LRRTM4: variants seen among roughly 807,000 people sequenced by gnomAD.
The protein encoded by LRRTM4 is leucine rich repeat transmembrane neuronal 4, also known as leucine-rich repeat transmembrane neuronal protein 4.
Under a neutral mutation model 47.6 loss-of-function variants are expected in LRRTM4, and 25 were observed. The ratio of observed to expected loss-of-function variants is 0.53; its 90% CI spans 0.38 to 0.73. The LOEUF (loss-of-function observed/expected upper bound fraction) is 0.73, where lower values mean the gene tolerates loss of function less well. LRRTM4 is among the 30% of genes least tolerant of loss of function. The pLI is 0.00. For synonymous variants in LRRTM4, 311 were observed against 269.5 expected (o/e 1.15, Z -1.51); for missense variants, 638 against 713.4 (o/e 0.89, Z 1.20).
At chr2:77,501,264 C>T (rs555716000) in intron 3 of LRRTM4, among the ~76,000 whole-genome samples, 2 of 150,364 alleles carry the variant, frequency 1.3e-5, no homozygotes, top group South Asian at 4.2e-4. Flanking sequence ...GCCAAAAGCA[C>T]CAGCAAAATA....
chr2:77,379,592 G>A (rs925939443), intron 3 of LRRTM4, among the ~76,000 whole-genome samples: 1 of 151,828 alleles, frequency 6.6e-6, no homozygotes, highest in Non-Finnish European at 1.5e-5. Context: ...CATGACTATC[G>A]ATATCTTTGT....
At chr2:77,279,322 T>C (rs1676446819) in intron 3 of LRRTM4, among the ~76,000 whole-genome samples, 1 of 152,022 alleles carries the variant, frequency 6.6e-6, no homozygotes, top group South Asian at 2.1e-4. Context: ...TATTTGGTAA[T>C]ATTATCCTAG....
chr2:77,275,136 T>C (rs189295106), intron 3 of LRRTM4, among the ~76,000 whole-genome samples: 109 of 152,276 alleles, frequency 7.2e-4, no homozygotes, highest in African/African-American at 2.5e-3. Flanking sequence ...CTGACATATG[T>C]AAAGTACTAC....
chr2:76,793,792 C>A (rs1675106793), intron 3 of LRRTM4, among the ~76,000 whole-genome samples: 1 of 152,110 alleles, frequency 6.6e-6, no homozygotes, highest in Non-Finnish European at 1.5e-5. Flanking sequence ...AGGCAAAGTG[C>A]TGATTTCAGA....
At chr2:77,505,059 T>C (rs1678716610) in intron 3 of LRRTM4, among the ~76,000 whole-genome samples, 1 of 151,210 alleles carries the variant, frequency 6.6e-6, no homozygotes, top group South Asian at 2.1e-4. Context: ...ACTCAACTAA[T>C]AAAGAACATA....
At chr2:76,895,007 A>T in intron 3 of LRRTM4, among the ~76,000 whole-genome samples, 1 of 151,918 alleles carries the variant, frequency 6.6e-6, no homozygotes, top group South Asian at 2.1e-4. Flanking sequence ...TTTACTAAAT[A>T]TTAGAAATTA....
chr2:77,437,787 C>T (rs750413920), intron 3 of LRRTM4, among the ~76,000 whole-genome samples: 26 of 151,960 alleles, frequency 1.7e-4, no homozygotes, highest in Non-Finnish European at 3.2e-4. Flanking sequence ...TTTTTCTCTC[C>T]TGAATGATGA....
intron 3 of LRRTM4, among the ~76,000 whole-genome samples, chr2:77,384,685 T>C (rs1673195051): frequency 6.6e-6 from 1 of 152,086 alleles, no homozygotes; most frequent in Non-Finnish European, 1.5e-5. Flanking sequence ...TTGGCTTTTA[T>C]CTCTTTGTAT....
chr2:76,782,414 TC>T (rs993582654), intron 3 of LRRTM4, among the ~76,000 whole-genome samples: 1 of 152,112 alleles, frequency 6.6e-6, no homozygotes, highest in African/African-American at 2.4e-5. Context: ...TTCTTTGGGG[TC>T]CCATGATGTT....
chr2:76,895,600 C>T (rs564480994), intron 3 of LRRTM4, among the ~76,000 whole-genome samples: 2 of 152,078 alleles, frequency 1.3e-5, no homozygotes, highest in Non-Finnish European at 2.9e-5. Context: ...CTACTTTTAC[C>T]TTGAACTCTA....
intron 3 of LRRTM4, among the ~76,000 whole-genome samples, chr2:76,811,231 C>T (rs1378593880): frequency 6.6e-6 from 1 of 152,100 alleles, no homozygotes; most frequent in Non-Finnish European, 1.5e-5. Flanking sequence ...GACATAGGCA[C>T]CCAATGAATA....
chr2:77,108,633 G>C (rs1381712628), intron 3 of LRRTM4, among the ~76,000 whole-genome samples: 2 of 149,194 alleles, frequency 1.3e-5, no homozygotes, highest in Non-Finnish European at 1.5e-5. Context: ...GCCCAGGCTG[G>C]AGTGCAGTGG....
intron 3 of LRRTM4, among the ~76,000 whole-genome samples, chr2:77,456,684 T>G (rs1348864192): frequency 1.3e-5 from 2 of 152,032 alleles, no homozygotes; most frequent in Non-Finnish European, 2.9e-5. Flanking sequence ...CAGAACATCT[T>G]TCACCTCTCT....
chr2:77,489,063 A>G (rs989931861), intron 3 of LRRTM4, among the ~76,000 whole-genome samples: 2 of 152,158 alleles, frequency 1.3e-5, no homozygotes, highest in African/African-American at 4.8e-5. Context: ...GTCACAAACC[A>G]TTACCAAAAA....
chr2:77,387,141 G>A (rs748470121), intron 3 of LRRTM4, among the ~76,000 whole-genome samples: 3 of 151,970 alleles, frequency 2.0e-5, no homozygotes, highest in Admixed American at 6.6e-5. Context: ...TTATGGAGAC[G>A]CTTTAAGAAT....
chr2:76,818,612 T>G (rs572011828), intron 3 of LRRTM4, among the ~76,000 whole-genome samples: 1 of 151,908 alleles, frequency 6.6e-6, no homozygotes, highest in South Asian at 2.1e-4. Context: ...GTCTAATTAA[T>G]ATTTAAGGTC....
At chr2:77,333,313 A>C (rs921812477) in intron 3 of LRRTM4, among the ~76,000 whole-genome samples, 22 of 152,198 alleles carry the variant, frequency 1.4e-4, no homozygotes, top group African/African-American at 4.8e-4. Context: ...AGGTTGGAAC[A>C]GTTTGGAAAG....
intron 3 of LRRTM4, among the ~76,000 whole-genome samples, chr2:76,788,211 G>C (rs115042059): frequency 0.034 from 5,233 of 152,200 alleles, 320 homozygotes; most frequent in African/African-American, 0.12. Context: ...ATTGAGGTAA[G>C]TACAAGGTCT....
chr2:77,190,826 T>C (rs1309878315), intron 3 of LRRTM4, among the ~76,000 whole-genome samples: 3 of 152,112 alleles, frequency 2.0e-5, no homozygotes, highest in African/African-American at 7.2e-5. Flanking sequence ...AATATATACA[T>C]AAACTGTACT....
Sources: gnomAD v4.1 joint callset for allele counts (sites outside exome capture counted in the v4.1 genomes callset) on GRCh38, gnomAD v4.1.1 for gene constraint, MANE v1.5 for transcripts, NCBI Gene and HGNC (gene_info 2026-07-23, HGNC 2026-07-21) for gene names.